Variants in SPOCK3 observed in about 807,000 individuals in gnomAD.
SPOCK3 encodes testican-3.
SPOCK3 carries 30 observed loss-of-function variants against 56.6 expected under a neutral mutation model. That is an observed-to-expected ratio of 0.53 (90% CI 0.40 to 0.72). SPOCK3 has a LOEUF of 0.72. SPOCK3 is among the 30% of genes least tolerant of loss of function. The pLI, the probability that SPOCK3 is intolerant of heterozygous loss-of-function variation, is 0.00. For missense variants in SPOCK3, 527 were observed against 530.0 expected (o/e 0.99, Z 0.06); for synonymous variants, 196 against 183.3 (o/e 1.07, Z -0.56).
At chr4:167,046,450 C>CTTTTTTTTTTTTTTTTTTTTT (rs67108499) in intron 3 of SPOCK3, among the ~76,000 whole-genome samples, 9 of 53,700 alleles carry the variant, frequency 1.7e-4, no homozygotes, top group South Asian at 7.5e-4. Context: ...TTCTGATATT[C>CTTTTTTTTTTTTTTTTTTTTT]TTTTTTTTTT....
At chr4:166,851,054 A>G (rs985378243) in intron 6 of SPOCK3, among the ~76,000 whole-genome samples, 14 of 152,350 alleles carry the variant, frequency 9.2e-5, no homozygotes, top group Non-Finnish European at 1.5e-4. Context: ...ACCTCTGCAG[A>G]CTTAAATGTC....
intron 2 of SPOCK3, among the ~76,000 whole-genome samples, chr4:167,085,710 T>G (rs1356114856): frequency 6.6e-6 from 1 of 152,098 alleles, no homozygotes; most frequent in Non-Finnish European, 1.5e-5. Flanking sequence ...AAACTTTCCT[T>G]CATCATTTTT....
At chr4:167,016,965 T>C (rs1371557262) in intron 3 of SPOCK3, among the ~76,000 whole-genome samples, 2 of 152,142 alleles carry the variant, frequency 1.3e-5, no homozygotes, top group Non-Finnish European at 2.9e-5. Context: ...AGGATTATTC[T>C]ATGGAATGGA....
chr4:167,090,292 C>CT (rs1004724877), intron 2 of SPOCK3, among the ~76,000 whole-genome samples: 16 of 151,042 alleles, frequency 1.1e-4, no homozygotes, highest in South Asian at 2.1e-4. Flanking sequence ...TTGGCATTGT[C>CT]TTTTTTTTTC....
chr4:166,972,406 C>T (rs1745489927), intron 4 of SPOCK3, among the ~76,000 whole-genome samples: 1 of 152,090 alleles, frequency 6.6e-6, no homozygotes, highest in Admixed American at 6.6e-5. Flanking sequence ...TTGGCAGCCT[C>T]AGCAGACTGT....
intron 4 of SPOCK3, among the ~76,000 whole-genome samples, chr4:166,972,744 C>G (rs1397349280): frequency 1.3e-5 from 2 of 151,602 alleles, no homozygotes; most frequent in Non-Finnish European, 2.9e-5. Context: ...GTCAGTTATA[C>G]TACAGTCTTA....
At chr4:167,104,229 C>T (rs989260575) in intron 2 of SPOCK3, among the ~76,000 whole-genome samples, 2 of 152,052 alleles carry the variant, frequency 1.3e-5, no homozygotes, top group Non-Finnish European at 2.9e-5. Flanking sequence ...CCTTACAAAA[C>T]GAACTAAATA....
At chr4:167,176,952 G>A (rs181243301) in intron 2 of SPOCK3, among the ~76,000 whole-genome samples, 115 of 152,260 alleles carry the variant, frequency 7.6e-4, no homozygotes, top group African/African-American at 2.5e-3. Flanking sequence ...TGTCCACAGC[G>A]TTGTTGATTG....
intron 2 of SPOCK3, among the ~76,000 whole-genome samples, chr4:167,140,402 C>T (rs917804877): frequency 6.6e-6 from 1 of 152,034 alleles, no homozygotes; most frequent in Non-Finnish European, 1.5e-5. Context: ...CATAGCTTCA[C>T]TGCACTTAAA....
chr4:167,231,688 A>C (rs1737195162), intron 2 of SPOCK3, among the ~76,000 whole-genome samples: 1 of 152,140 alleles, frequency 6.6e-6, no homozygotes, highest in South Asian at 2.1e-4. Context: ...AATATACATA[A>C]ATAGCAGTGG....
At chr4:166,936,852 A>G (rs1364292980) in intron 4 of SPOCK3, among the ~76,000 whole-genome samples, 3 of 152,040 alleles carry the variant, frequency 2.0e-5, no homozygotes, top group African/African-American at 7.2e-5. Context: ...AGGTTATATG[A>G]TTCTCACTAA....
intron 6 of SPOCK3, among the ~76,000 whole-genome samples, chr4:166,884,220 G>A (rs1733962293): frequency 1.3e-5 from 2 of 152,064 alleles, no homozygotes; most frequent in Admixed American, 6.6e-5. Flanking sequence ...GGGCGTGGTG[G>A]CTGGCACCTG....
intron 2 of SPOCK3, among the ~76,000 whole-genome samples, chr4:167,197,843 T>A (rs1554051642): frequency 6.6e-6 from 1 of 152,156 alleles, no homozygotes; most frequent in Non-Finnish European, 1.5e-5. Flanking sequence ...ATTTTCTTCA[T>A]TACCATTTAT....
At chr4:167,083,089 C>T in intron 2 of SPOCK3, 2 of 717,908 alleles carry the variant, frequency 2.8e-6, no homozygotes, top group Admixed American at 1.9e-5. Context: ...TACCAAAGAG[C>T]CCCCCTCACA....
At chr4:167,218,883 C>T (rs1043495995) in intron 2 of SPOCK3, among the ~76,000 whole-genome samples, 11 of 152,086 alleles carry the variant, frequency 7.2e-5, no homozygotes, top group South Asian at 4.1e-4. Context: ...GGTCTATGTA[C>T]GAATGCTCCT....
chr4:167,129,908 T>C (rs1163352856), intron 2 of SPOCK3, among the ~76,000 whole-genome samples: 1 of 152,202 alleles, frequency 6.6e-6, no homozygotes, highest in Non-Finnish European at 1.5e-5. Flanking sequence ...ATCTCCACAG[T>C]GAAAATCTGG....
chr4:167,109,843 T>C (rs1580326092), intron 2 of SPOCK3, among the ~76,000 whole-genome samples: 1 of 151,696 alleles, frequency 6.6e-6, no homozygotes. Flanking sequence ...AACCAAATAG[T>C]ATACTCCATC....
chr4:166,988,162 G>A (rs186483814), intron 4 of SPOCK3, among the ~76,000 whole-genome samples: 1 of 152,036 alleles, frequency 6.6e-6, no homozygotes, highest in Non-Finnish European at 1.5e-5. Flanking sequence ...TGATGGATTA[G>A]GGATATGCAG....
In SPOCK3 at chr4:166,748,925, A is replaced by G. The variant is rs1305446856; in HGVS notation, c.931+5583T>C. On this transcript the variant is annotated intron_variant, in intron 8 of 10. Coordinates refer to ENST00000357545, the MANE Select transcript of SPOCK3 (RefSeq NM_001040159.2). ...TGGCCATCAGGGAAATGCATATCAA[A>G]ACCACAATGAGATACCATCTCACAC... Among the ~76,000 whole-genome samples, 5 of 137,890 alleles carry G rather than the reference A, an allele frequency of 3.6e-5. 1 individual carries two copies. The highest frequency in any genetic ancestry group is 1.5e-4 in the African/African-American group (5 of 32,538). The allele number at this position is 137,890 out of a possible 152,430, so 90.5% of individuals were successfully genotyped here. A position where few individuals can be genotyped will look rare whatever the true frequency, so the allele number is the denominator to read the frequency against.
Sources: allele counts gnomAD v4.1 joint callset (sites outside exome capture counted in the v4.1 genomes callset), GRCh38; gene constraint gnomAD v4.1.1; transcripts MANE v1.5; gene names NCBI Gene and HGNC (gene_info 2026-07-23, HGNC 2026-07-21).